The following SPATS2L variants were observed in gnomAD, a reference collection of about 807,000 sequenced individuals.
SPATS2L encodes spermatogenesis associated serine rich 2 like.
In SPATS2L, 30 loss-of-function variants were observed where a neutral mutation model predicts 59.6. The observed-to-expected ratio is 0.50, with a 90% confidence interval of 0.38 to 0.68. SPATS2L has a LOEUF of 0.68. Among genes scored for constraint, SPATS2L ranks in the 30% least tolerant of loss-of-function variants. The pLI is 0.00. For synonymous variants in SPATS2L, 252 were observed against 263.5 expected, an observed-to-expected ratio of 0.96 and a Z score of 0.42; for missense variants, 615 against 700.0, an observed-to-expected ratio of 0.88 and a Z score of 1.37.
intron 2 of SPATS2L, among the ~76,000 whole-genome samples, chr2:200,335,938 CAGGGGCTTCCT>C (rs1292189915): frequency 6.6e-6 from 1 of 152,196 alleles, no homozygotes; most frequent in African/African-American, 2.4e-5. Context: ...GTGCCCAGCT[CAGGGGCTTCCT>C]AGTGGCTTCC....
intron 2 of SPATS2L, among the ~76,000 whole-genome samples, chr2:200,367,347 C>T (rs2081296250): frequency 1.3e-5 from 2 of 152,176 alleles, no homozygotes; most frequent in African/African-American, 4.8e-5. Flanking sequence ...AGCCCACTTC[C>T]AGGTCAGGGC....
intron 2 of SPATS2L, among the ~76,000 whole-genome samples, chr2:200,387,086 T>C (rs1267741664): frequency 6.6e-6 from 1 of 152,258 alleles, no homozygotes; most frequent in East Asian, 1.9e-4. Flanking sequence ...TCATGTTCAC[T>C]ATTAGAAATA....
At chr2:200,310,117 C>T (rs963732540) in intron 1 of SPATS2L, among the ~76,000 whole-genome samples, 1 of 152,138 alleles carries the variant, frequency 6.6e-6, no homozygotes, top group Non-Finnish European at 1.5e-5. Context: ...AACTCCATTC[C>T]TATTTATCTA....
At chr2:200,468,067 G>C (rs541626079) in intron 10 of SPATS2L, among the ~76,000 whole-genome samples, 4 of 152,008 alleles carry the variant, frequency 2.6e-5, no homozygotes, top group Non-Finnish European at 4.4e-5. Flanking sequence ...ATAATCACTA[G>C]ACACTCTCAT....
At chr2:200,347,031 A>T (rs2080534632) in intron 2 of SPATS2L, among the ~76,000 whole-genome samples, 1 of 152,182 alleles carries the variant, frequency 6.6e-6, no homozygotes, top group African/African-American at 2.4e-5. Context: ...TGCCTAATGA[A>T]AGATTTTACA....
intron 3 of SPATS2L, among the ~76,000 whole-genome samples, chr2:200,408,024 G>A (rs956688407): frequency 1.3e-5 from 2 of 152,172 alleles, no homozygotes; most frequent in African/African-American, 2.4e-5. Context: ...CCTACCATCT[G>A]GGAGACACGA....
At chr2:200,319,758 A>G (rs1256971364) in intron 1 of SPATS2L, among the ~76,000 whole-genome samples, 1 of 152,152 alleles carries the variant, frequency 6.6e-6, no homozygotes, top group Non-Finnish European at 1.5e-5. Context: ...ATACGAAGCT[A>G]AAGAAAACTT....
At chr2:200,430,862 C>T (rs1277929571) in intron 6 of SPATS2L, among the ~76,000 whole-genome samples, 4 of 151,766 alleles carry the variant, frequency 2.6e-5, no homozygotes, top group Non-Finnish European at 2.9e-5. Flanking sequence ...GGATTACAGG[C>T]GCCTGCCACC....
intron 2 of SPATS2L, among the ~76,000 whole-genome samples, chr2:200,368,182 A>G (rs2081321818): frequency 6.6e-6 from 1 of 152,314 alleles, no homozygotes; most frequent in African/African-American, 2.4e-5. Flanking sequence ...CCAAAAACCC[A>G]AAAGAAGATG....
intron 2 of SPATS2L, chr2:200,373,391 A>G (rs2105895741): frequency 6.6e-6 from 1 of 152,312 alleles, no homozygotes; most frequent in Non-Finnish European, 1.5e-5. Context: ...CTGTCTAGTC[A>G]AGTATCATTC....
rs2082905776 is a variant in SPATS2L at position 200,412,343 on chromosome 2, A to C, written c.72A>C (p.Lys24Asn). The C allele has an allele frequency of 1.9e-6, 3 of 1,606,644 alleles. No individual in the cohort carries two copies. In the East Asian group the frequency reaches 6.7e-5, roughly 36 times the overall value. The change falls in exon 4 of 13, where the codon AAA becomes AAC. Residue 24 changes from lysine (K) to asparagine (N), a missense_variant. Physicochemically the swap from Lys to Asn is moderately conservative, Grantham distance 94. Transcript: ENST00000409140. ...IYAVRSVVPN[K>N]SNNEIVLVLQ... ...CAGTTAGATCAGTTGTTCCCAACAA[A>C]AGCAATAATGAAATAGTCCTGGTGC...
chr2:200,370,127 G>C (rs543194025), intron 2 of SPATS2L, among the ~76,000 whole-genome samples: 1 of 152,174 alleles, frequency 6.6e-6, no homozygotes, highest in African/African-American at 2.4e-5. Context: ...TGTGAGAATG[G>C]CAAAGAATGG....
At chr2:200,307,580 G>T (rs1182431515) in intron 1 of SPATS2L, among the ~76,000 whole-genome samples, 1 of 152,178 alleles carries the variant, frequency 6.6e-6, no homozygotes, top group Non-Finnish European at 1.5e-5. Flanking sequence ...TGGGCGGGGG[G>T]ACCCCGGAGT....
chr2:200,332,772 C>CTCTGTGTG (rs1553508255), intron 2 of SPATS2L, among the ~76,000 whole-genome samples: 2 of 143,268 alleles, frequency 1.4e-5, no homozygotes, highest in Non-Finnish European at 3.0e-5. Flanking sequence ...AGTTAGCTGC[C>CTCTGTGTG]TGTGTGTGTG....
At chr2:200,447,077 C>G (rs1346685086) in intron 8 of SPATS2L, among the ~76,000 whole-genome samples, 6 of 152,324 alleles carry the variant, frequency 3.9e-5, no homozygotes, top group African/African-American at 1.4e-4. Flanking sequence ...CAGTCACTTT[C>G]ATTAGCCATT....
At chr2:200,325,655 A>G (rs1240926029) in intron 1 of SPATS2L, among the ~76,000 whole-genome samples, 1 of 152,180 alleles carries the variant, frequency 6.6e-6, no homozygotes, top group African/African-American at 2.4e-5. Flanking sequence ...CTGGGATTTC[A>G]GGTGTGAGCC....
At chr2:200,346,907 A>G (rs1462628480) in intron 2 of SPATS2L, among the ~76,000 whole-genome samples, 1 of 152,064 alleles carries the variant, frequency 6.6e-6, no homozygotes, top group Non-Finnish European at 1.5e-5. Flanking sequence ...TAAGTTGAAT[A>G]TGCAAAATTG....
chr2:200,324,278 T>C (rs536368553), intron 1 of SPATS2L, among the ~76,000 whole-genome samples: 1 of 152,148 alleles, frequency 6.6e-6, no homozygotes, highest in Non-Finnish European at 1.5e-5. Context: ...CTCTGTGGAG[T>C]TCCTGAGGGA....
intron 11 of SPATS2L, among the ~76,000 whole-genome samples, chr2:200,471,173 T>C (rs1321266147): frequency 1.3e-5 from 2 of 152,040 alleles, no homozygotes; most frequent in Admixed American, 6.6e-5. Context: ...CTCAAAAAAT[T>C]AATTAATTAA....
Sources: gnomAD v4.1 joint callset for allele counts (sites outside exome capture counted in the v4.1 genomes callset) on GRCh38, gnomAD v4.1.1 for gene constraint, MANE v1.5 for transcripts, NCBI Gene and HGNC (gene_info 2026-07-23, HGNC 2026-07-21) for gene names.